The following GSK3B variants were observed in gnomAD, a reference collection of about 807,000 sequenced individuals.
GSK3B encodes glycogen synthase kinase-3 beta.
In GSK3B, 15 loss-of-function variants were observed where a neutral mutation model predicts 56.4. That is an observed-to-expected ratio of 0.27 (90% CI 0.18 to 0.41). GSK3B has a LOEUF of 0.41. Among genes scored for constraint, GSK3B ranks in the 10% least tolerant of loss-of-function variants. GSK3B has a pLI of 1.00. For synonymous variants in GSK3B, 181 were observed against 188.9 expected, an observed-to-expected ratio of 0.96 and a Z score of 0.34; for missense variants, 300 against 513.4, an observed-to-expected ratio of 0.58 and a Z score of 4.02.
intron 2 of GSK3B, among the ~76,000 whole-genome samples, chr3:119,983,720 G>A (rs540378136): frequency 6.6e-6 from 1 of 152,248 alleles, no homozygotes; most frequent in African/African-American, 2.4e-5. Context: ...AGTCCTTGGA[G>A]ACCTACAAAG....
chr3:119,987,289 T>A (rs539749752), intron 2 of GSK3B, among the ~76,000 whole-genome samples: 107 of 152,266 alleles, frequency 7.0e-4, no homozygotes, highest in Admixed American at 1.6e-3. Context: ...ATCAAACCTG[T>A]ACGTTGTGCA....
intron 10 of GSK3B, among the ~76,000 whole-genome samples, chr3:119,833,482 G>A (rs986023487): frequency 1.3e-5 from 2 of 151,946 alleles, no homozygotes; most frequent in African/African-American, 4.8e-5. Flanking sequence ...ACTACATAAG[G>A]CTATTTATTT....
intron 1 of GSK3B, among the ~76,000 whole-genome samples, chr3:120,090,351 AG>A (rs1480293654): frequency 1.3e-5 from 2 of 152,208 alleles, no homozygotes; most frequent in African/African-American, 4.8e-5. Flanking sequence ...TGCAATTAAT[AG>A]ACTAGGAAGT....
At chr3:119,923,350 A>G (rs1368614259) in intron 4 of GSK3B, 23 bp downstream of exon 4, 3 of 1,259,166 alleles carry the variant, frequency 2.4e-6, no homozygotes, top group East Asian at 2.3e-5. Context: ...TCTAAAATGG[A>G]AAATTGTTAT....
chr3:119,849,819 TTTTTA>T (rs1577314249), intron 9 of GSK3B, among the ~76,000 whole-genome samples: 2 of 152,126 alleles, frequency 1.3e-5, no homozygotes, highest in South Asian at 2.1e-4. Flanking sequence ...ATTTTTTTAT[TTTTTA>T]TTTTATTTTT....
intron 1 of GSK3B, among the ~76,000 whole-genome samples, chr3:120,062,213 TG>T (rs1446703996): frequency 2.0e-5 from 3 of 152,250 alleles, no homozygotes; most frequent in Non-Finnish European, 4.4e-5. Flanking sequence ...TTCCTCTTCA[TG>T]TGAATTCATT....
intron 4 of GSK3B, among the ~76,000 whole-genome samples, chr3:119,917,402 C>T (rs1212814188): frequency 6.6e-6 from 1 of 151,974 alleles, no homozygotes; most frequent in Non-Finnish European, 1.5e-5. Flanking sequence ...CAGCATTTTG[C>T]CAACAAAGTT....
intron 3 of GSK3B, among the ~76,000 whole-genome samples, chr3:119,936,354 ATT>A (rs34550759): frequency 3.2e-5 from 4 of 125,762 alleles, no homozygotes; most frequent in East Asian, 2.0e-4. Flanking sequence ...ATATATATAT[ATT>A]TTTTTTTTGA....
intron 1 of GSK3B, among the ~76,000 whole-genome samples, chr3:120,004,332 G>A (rs1414693302): frequency 6.6e-6 from 1 of 152,196 alleles, no homozygotes; most frequent in African/African-American, 2.4e-5. Flanking sequence ...CACCTCTGGG[G>A]GCAGGGCATA....
chr3:120,052,025 T>C (rs2058154609), intron 1 of GSK3B, among the ~76,000 whole-genome samples: 1 of 152,152 alleles, frequency 6.6e-6, no homozygotes, highest in Non-Finnish European at 1.5e-5. Flanking sequence ...TCCTGAGAAA[T>C]TCACAGAAGG....
intron 4 of GSK3B, among the ~76,000 whole-genome samples, chr3:119,918,606 T>C (rs543495096): frequency 6.6e-6 from 1 of 152,214 alleles, no homozygotes; most frequent in Non-Finnish European, 1.5e-5. Context: ...ATATACTAAG[T>C]GCCAAACCAA....
chr3:120,075,401 T>C (rs1295309895), intron 1 of GSK3B, among the ~76,000 whole-genome samples: 1 of 151,994 alleles, frequency 6.6e-6, no homozygotes, highest in African/African-American at 2.4e-5. Flanking sequence ...TCAAGAGTAT[T>C]TAGACAAGAA....
intron 3 of GSK3B, among the ~76,000 whole-genome samples, chr3:119,937,775 G>A (rs1331572987): frequency 6.6e-6 from 1 of 151,306 alleles, no homozygotes; most frequent in Non-Finnish European, 1.5e-5. Context: ...TATATGAATA[G>A]AGATGAATAA....
At chr3:119,887,023 A>G (rs1464966542) in intron 7 of GSK3B, among the ~76,000 whole-genome samples, 3 of 152,166 alleles carry the variant, frequency 2.0e-5, no homozygotes, top group African/African-American at 7.2e-5. Flanking sequence ...GGAAAAAAAT[A>G]TTTTAAACTG....
intron 1 of GSK3B, among the ~76,000 whole-genome samples, chr3:120,053,995 T>C (rs2058172526): frequency 6.6e-6 from 1 of 152,220 alleles, no homozygotes; most frequent in African/African-American, 2.4e-5. Context: ...CCCTGAACTG[T>C]TGTATTTTAG....
At chr3:119,894,963 ATAT>A (rs1180550263) in intron 7 of GSK3B, among the ~76,000 whole-genome samples, 1 of 152,154 alleles carries the variant, frequency 6.6e-6, no homozygotes, top group African/African-American at 2.4e-5. Context: ...GTAAACAGTG[ATAT>A]TATGGGTATA....
At chr3:119,979,352 T>C in intron 2 of GSK3B, among the ~76,000 whole-genome samples, 1 of 152,198 alleles carries the variant, frequency 6.6e-6, no homozygotes, top group East Asian at 1.9e-4. Context: ...CCTCCGAAAC[T>C]CCTTTTGACC....
intron 6 of GSK3B, among the ~76,000 whole-genome samples, chr3:119,912,306 T>C (rs929414123): frequency 2.0e-5 from 3 of 152,080 alleles, no homozygotes; most frequent in Admixed American, 6.6e-5. Flanking sequence ...ACCAAAACAA[T>C]TACAATAGTA....
At chr3:120,022,978 A>G (rs1402717124) in intron 1 of GSK3B, among the ~76,000 whole-genome samples, 2 of 152,228 alleles carry the variant, frequency 1.3e-5, no homozygotes, top group African/African-American at 4.8e-5. Flanking sequence ...AGATAAGGAC[A>G]TTAAAGTAGG....
Sources: allele counts gnomAD v4.1 joint callset (sites outside exome capture counted in the v4.1 genomes callset), GRCh38; gene constraint gnomAD v4.1.1; transcripts MANE v1.5; gene names NCBI Gene and HGNC (gene_info 2026-07-23, HGNC 2026-07-21).